The following TLN2 variants were observed in gnomAD, a reference collection of about 807,000 sequenced individuals.
The protein encoded by TLN2 is talin-2.
A neutral mutation model predicts 294.7 loss-of-function variants in TLN2; 118 were observed. That is an observed-to-expected ratio of 0.40 (90% CI 0.34 to 0.47). The LOEUF (loss-of-function observed/expected upper bound fraction) is 0.47. Among genes scored for constraint, TLN2 ranks in the 20% least tolerant of loss-of-function variants. The probability of loss-of-function intolerance (pLI) is 0.84; values close to 1 mark genes in which losing one functional copy is unlikely to be tolerated. For synonymous variants in TLN2, 1,431 were observed against 1,304.5 expected (o/e 1.10, Z -2.09); for missense variants, 3,083 against 3,282.2 (o/e 0.94, Z 1.48).
chr15:62,536,676 G>A (rs565538610), intron 1 of TLN2, among the ~76,000 whole-genome samples: 3 of 152,320 alleles, frequency 2.0e-5, no homozygotes, highest in Non-Finnish European at 4.4e-5. Flanking sequence ...TGAAGGAAGA[G>A]ATGGATGCCC....
chr15:62,748,353 C>G lies in TLN2; in HGVS notation c.4028C>G (p.Ala1343Gly), dbSNP rs762145989. 6 of 1,610,216 alleles carry G rather than the reference C, an allele frequency of 3.7e-6. No homozygotes were observed. The highest frequency in any genetic ancestry group is 8.5e-7 in the Non-Finnish European group (1 of 1,178,338). The change falls in exon 33 of 59, where the codon GCT (alanine) becomes GGT (glycine). Residue 1343 changes from alanine to glycine, a missense_variant and splice_region_variant. Transcript: ENST00000636159. ...AKNLLAAAARAVTESINQLIT... is the reference protein window; with the variant it reads ...AKNLLAAAARGVTESINQLIT... ...AAAAAATTCTGTTTCTGTCACAGAG[C>G]TGTGACAGAGAGCATCAATCAACTC...
intron 2 of TLN2, among the ~76,000 whole-genome samples, chr15:62,607,399 C>T (rs1430020736): frequency 1.3e-5 from 2 of 152,148 alleles, no homozygotes; most frequent in Non-Finnish European, 2.9e-5. Context: ...GCTAAAAGAG[C>T]TTTATTCTGT....
intron 9 of TLN2, among the ~76,000 whole-genome samples, chr15:62,666,204 T>C (rs190384635): frequency 6.6e-6 from 1 of 152,286 alleles, no homozygotes; most frequent in Non-Finnish European, 1.5e-5. Flanking sequence ...GGTCTTCAAA[T>C]CCAGTTCTTA....
Position 62,653,227 on chromosome 15 carries a change from A to T in TLN2, c.430A>T (p.Thr144Ser), listed in dbSNP as rs1273893923. 6.2e-7 allele frequency: 1 copy of T among 1,612,860 alleles called. No individual in the cohort carries two copies. Among genetic ancestry groups the T allele is most frequent in the East Asian group, 2.2e-5 (1 of 44,886 alleles). The part of the protein sequence containing the change: ...ETIEEKKEEG[T>S]GTLKKDRTLL... ...TATTGAAGAAAAGAAAGAGGAAGGA[A>T]CGGGCACACTCAAAAAAGACAGGAC... The change falls in exon 7 of 59, where the codon ACG (threonine) becomes TCG (serine). Residue 144 changes from threonine (T) to serine (S), a missense_variant. Physicochemically the swap from Thr to Ser is moderately conservative, Grantham distance 58 (BLOSUM62 1). Coordinates refer to ENST00000636159, the MANE Select transcript of TLN2 (RefSeq NM_015059.3).
chr15:62,411,429 ATGTGTGTGTGTGTGTGTG>A (rs71125998), intron 1 of TLN2, among the ~76,000 whole-genome samples: 17 of 136,598 alleles, frequency 1.2e-4, no homozygotes, highest in South Asian at 4.9e-4. Flanking sequence ...TGAGTAATGG[ATGTGTGTGTGTGTGTGTG>A]TGTGTGTGTG....
At chr15:62,730,500 T>TAGA (rs1567477643) in intron 28 of TLN2, among the ~76,000 whole-genome samples, 1 of 152,236 alleles carries the variant, frequency 6.6e-6, no homozygotes, top group Admixed American at 6.5e-5. Flanking sequence ...ATTTCTCTTC[T>TAGA]ACCTGAAGAA....
At chr15:62,433,075 A>G (rs530652921) in intron 1 of TLN2, among the ~76,000 whole-genome samples, 193 of 152,234 alleles carry the variant, frequency 1.3e-3, no homozygotes, top group African/African-American at 4.5e-3. Flanking sequence ...AGGGTGTGAG[A>G]TGTGTACTCC....
At chr15:62,510,565 TGTGTAAGTTATGG>T (rs1430583209) in intron 1 of TLN2, among the ~76,000 whole-genome samples, 2 of 152,248 alleles carry the variant, frequency 1.3e-5, no homozygotes, top group Non-Finnish European at 2.9e-5. Flanking sequence ...TGTCATTTAA[TGTGTAAGTTATGG>T]GTATTGTAAT....
At chr15:62,545,336 C>G (rs2041931794) in intron 1 of TLN2, among the ~76,000 whole-genome samples, 1 of 152,050 alleles carries the variant, frequency 6.6e-6, no homozygotes, top group Non-Finnish European at 1.5e-5. Flanking sequence ...GTTGCAATAA[C>G]AAGGCACTGA....
intron 42 of TLN2, among the ~76,000 whole-genome samples, chr15:62,773,614 G>C (rs1477703382): frequency 6.6e-6 from 1 of 152,078 alleles, no homozygotes; most frequent in African/African-American, 2.4e-5. Context: ...GGTTTTATTT[G>C]CTGTGTGCTA....
At position 62,582,633 on chromosome 15, in the gene TLN2, G is replaced by A. The variant is rs182813605; in HGVS notation, c.-237-7054G>A. On this transcript the variant is annotated intron_variant, in intron 1 of 58. Coordinates refer to ENST00000636159, the MANE Select transcript of TLN2 (RefSeq NM_015059.3). ...AGCCCTCTTAGGGGAAAACAGCTCA[G>A]AGGGCAGGGGACATAAGGTGCACTG... 5.3e-5 allele frequency among the ~76,000 whole-genome samples: 8 copies of A among 152,282 alleles called. No homozygotes were observed. The East Asian group carries it at 1.5e-3, about 29-fold the overall frequency.
intron 2 of TLN2, among the ~76,000 whole-genome samples, chr15:62,596,085 A>G (rs2046479374): frequency 6.6e-6 from 1 of 151,776 alleles, no homozygotes; most frequent in South Asian, 2.1e-4. Flanking sequence ...ACCATGGTGA[A>G]ACCCCGTCTC....
At chr15:62,486,452 GTTTTTTTTT>G (rs34975634) in intron 1 of TLN2, among the ~76,000 whole-genome samples, 3 of 93,292 alleles carry the variant, frequency 3.2e-5, no homozygotes, top group Admixed American at 3.2e-4. Context: ...CAGTTCCTTT[GTTTTTTTTT>G]TTTTTTTTTT....
chr15:62,574,541 C>G (rs1390996238), intron 1 of TLN2, among the ~76,000 whole-genome samples: 1 of 119,232 alleles, frequency 8.4e-6, no homozygotes, highest in African/African-American at 3.3e-5. Context: ...TATCGCACCA[C>G]TGAACTCCAG....
chr15:62,518,440 G>T (rs2040292822), intron 1 of TLN2, among the ~76,000 whole-genome samples: 1 of 152,200 alleles, frequency 6.6e-6, no homozygotes, highest in Non-Finnish European at 1.5e-5. Context: ...TCAGATTTCA[G>T]CTCACTAGCA....
At chr15:62,541,080 C>T (rs769056225) in intron 1 of TLN2, among the ~76,000 whole-genome samples, 7 of 152,000 alleles carry the variant, frequency 4.6e-5, no homozygotes, top group African/African-American at 1.4e-4. Context: ...AATTTTCGCA[C>T]GGGGCTGGGG....
chr15:62,549,127 A>AC (rs2042149126), intron 1 of TLN2, among the ~76,000 whole-genome samples: 1 of 151,774 alleles, frequency 6.6e-6, no homozygotes, highest in Admixed American at 6.6e-5. Flanking sequence ...TTTAATTGAG[A>AC]CCCTACGGAG....
At chr15:62,709,416 G>A (rs543566464) in intron 21 of TLN2, among the ~76,000 whole-genome samples, 1 of 152,160 alleles carries the variant, frequency 6.6e-6, no homozygotes, top group African/African-American at 2.4e-5. Flanking sequence ...AGTGTCTCCT[G>A]GGTGTCTGGG....
At chr15:62,570,153 T>C (rs1389140564) in intron 1 of TLN2, among the ~76,000 whole-genome samples, 1 of 152,144 alleles carries the variant, frequency 6.6e-6, no homozygotes, top group Non-Finnish European at 1.5e-5. Context: ...GTTTCCAAAG[T>C]GGTTTCAAAG....
Sources: gnomAD v4.1 joint callset for allele counts (sites outside exome capture counted in the v4.1 genomes callset) on GRCh38, gnomAD v4.1.1 for gene constraint, MANE v1.5 for transcripts, NCBI Gene and HGNC (gene_info 2026-07-23, HGNC 2026-07-21) for gene names.